The following DIS3L2 variants were observed in gnomAD, a reference collection of about 807,000 sequenced individuals.
DIS3L2 encodes DIS3-like exonuclease 2.
A neutral mutation model predicts 97.5 loss-of-function variants in DIS3L2; 34 were observed. The observed-to-expected ratio is 0.35, with a 90% CI of 0.27 to 0.46. The LOEUF (loss-of-function observed/expected upper bound fraction) is 0.46, where lower values mean the gene tolerates loss of function less well. Ranked by LOEUF, DIS3L2 falls within the 20% of genes least tolerant of loss-of-function variation. The pLI, the probability that DIS3L2 is intolerant of heterozygous loss-of-function variation, is 1.00. For missense variants in DIS3L2, 1,038 were observed against 1,146.0 expected, an observed-to-expected ratio of 0.91 and a Z score of 1.36; for synonymous variants, 435 against 445.2, an observed-to-expected ratio of 0.98 and a Z score of 0.29.
intron 10 of DIS3L2, 63 bp from the exon 11 acceptor site, chr2:232,238,470 C>G: frequency 7.2e-7 from 1 of 1,385,060 alleles, no homozygotes; most frequent in Admixed American, 1.7e-5. Flanking sequence ...TAGGAAAGGA[C>G]TCCTGGGAGA....
chr2:232,264,044 G>T (rs1693791846), intron 13 of DIS3L2, among the ~76,000 whole-genome samples: 1 of 152,212 alleles, frequency 6.6e-6, no homozygotes, highest in Non-Finnish European at 1.5e-5. Context: ...CAGACCAGGG[G>T]TAGGGGATGG....
At chr2:232,219,883 T>C (rs1448945869) in intron 10 of DIS3L2, among the ~76,000 whole-genome samples, 1 of 152,176 alleles carries the variant, frequency 6.6e-6, no homozygotes, top group Non-Finnish European at 1.5e-5. Flanking sequence ...AACCCTAACA[T>C]GGTAGTAAAA....
At chr2:232,318,388 A>C (rs1462831973) in intron 14 of DIS3L2, among the ~76,000 whole-genome samples, 1 of 152,264 alleles carries the variant, frequency 6.6e-6, no homozygotes, top group African/African-American at 2.4e-5. Context: ...CCCAGTTGTA[A>C]ACATCATTCG....
At chr2:232,068,828 A>T (rs1695926250) in intron 5 of DIS3L2, among the ~76,000 whole-genome samples, 1 of 151,450 alleles carries the variant, frequency 6.6e-6, no homozygotes, top group Admixed American at 6.6e-5. Context: ...TTTAATTTTA[A>T]TTTTTTTCTT....
intron 13 of DIS3L2, among the ~76,000 whole-genome samples, chr2:232,298,115 A>G (rs775677950): frequency 2.6e-5 from 4 of 152,170 alleles, no homozygotes; most frequent in Non-Finnish European, 4.4e-5. Flanking sequence ...TGGGTTAGTA[A>G]AAATTCTCCC....
At chr2:232,202,464 T>C (rs1344886566) in intron 9 of DIS3L2, among the ~76,000 whole-genome samples, 3 of 152,114 alleles carry the variant, frequency 2.0e-5, no homozygotes, top group Non-Finnish European at 4.4e-5. Context: ...GTAGAACCAA[T>C]GAGTAAAGGG....
intron 1 of DIS3L2, among the ~76,000 whole-genome samples, chr2:231,975,956 CTT>C (rs1693078358): frequency 1.3e-5 from 2 of 152,038 alleles, no homozygotes; most frequent in African/African-American, 4.8e-5. Flanking sequence ...CTCTTACTCT[CTT>C]TTTCTCTCCT....
intron 13 of DIS3L2, among the ~76,000 whole-genome samples, chr2:232,275,310 T>A (rs1694113101): frequency 6.6e-6 from 1 of 152,260 alleles, no homozygotes; most frequent in Non-Finnish European, 1.5e-5. Context: ...CTATAACTGT[T>A]AAGAAGGCAG....
intron 13 of DIS3L2, among the ~76,000 whole-genome samples, chr2:232,299,142 C>G (rs1575002998): frequency 6.6e-6 from 1 of 152,158 alleles, no homozygotes; most frequent in Non-Finnish European, 1.5e-5. Context: ...TCAAATCCAC[C>G]AGCATATCTT....
At chr2:232,093,613 T>G (rs1360773488) in intron 6 of DIS3L2, among the ~76,000 whole-genome samples, 1 of 152,162 alleles carries the variant, frequency 6.6e-6, no homozygotes, top group Non-Finnish European at 1.5e-5. Context: ...GGTTCAATCT[T>G]GGTAGGTTGT....
At chr2:232,329,277 C>G (rs1310750787) in intron 14 of DIS3L2, 1 of 152,728 alleles carries the variant, frequency 6.5e-6, no homozygotes, top group Non-Finnish European at 1.5e-5. Context: ...GAGAAGGGAG[C>G]CCAGCACTCC....
chr2:232,011,292 G>C (rs1694191994), intron 1 of DIS3L2, among the ~76,000 whole-genome samples: 1 of 152,094 alleles, frequency 6.6e-6, no homozygotes, highest in African/African-American at 2.4e-5. Flanking sequence ...GACTTGTTCA[G>C]GCTTAATGGG....
intron 10 of DIS3L2, among the ~76,000 whole-genome samples, chr2:232,221,456 C>A (rs1157360004): frequency 1.3e-5 from 2 of 152,188 alleles, no homozygotes; most frequent in Non-Finnish European, 2.9e-5. Context: ...AGGATAAAAT[C>A]TGCGCTTTGT....
chr2:232,138,060 T>C (rs1698407428), intron 8 of DIS3L2, among the ~76,000 whole-genome samples: 1 of 152,212 alleles, frequency 6.6e-6, no homozygotes, highest in South Asian at 2.1e-4. Context: ...TATCTGCCTT[T>C]CTGTCGTATC....
rs540752460 is a variant in DIS3L2 at position 231,976,892 on chromosome 2, C to T, written c.-94+15127C>T. Reference sequence around the variant, plus strand: ...ATGCCATTCTCCCGCCTCAGCCTCCCGAGTAGCTGGGACAGCAGGTGCCCG... The same window carrying T: ...ATGCCATTCTCCCGCCTCAGCCTCCTGAGTAGCTGGGACAGCAGGTGCCCG... On this transcript the variant is annotated intron_variant, in intron 1 of 20. Transcript: ENST00000325385. Among the ~76,000 whole-genome samples the T allele has an allele frequency of 7.9e-5, 12 of 151,844 alleles. No homozygotes were observed. In the South Asian group the frequency reaches 1.9e-3, roughly 24 times the overall value.
chr2:232,072,097 A>G (rs571085842), intron 5 of DIS3L2, among the ~76,000 whole-genome samples: 2 of 152,278 alleles, frequency 1.3e-5, no homozygotes, highest in East Asian at 3.9e-4. Flanking sequence ...TTGAAGAAAG[A>G]GAAGAACAGG....
intron 9 of DIS3L2, among the ~76,000 whole-genome samples, chr2:232,199,211 A>G (rs1350691407): frequency 2.0e-5 from 3 of 152,210 alleles, no homozygotes; most frequent in African/African-American, 4.8e-5. Context: ...GAAAAAGGCT[A>G]CAATTATTCA....
intron 9 of DIS3L2, chr2:232,198,729 A>G (rs1394037528): frequency 6.6e-6 from 1 of 152,234 alleles, no homozygotes; most frequent in Non-Finnish European, 1.5e-5. Flanking sequence ...TCTGCCCTGC[A>G]TACAAACTCT....
intron 9 of DIS3L2, among the ~76,000 whole-genome samples, chr2:232,198,224 C>T (rs1691808495): frequency 6.6e-6 from 1 of 151,976 alleles, no homozygotes; most frequent in African/African-American, 2.4e-5. Context: ...CCTTAAGGGC[C>T]ATCTCTAGGA....
Sources: allele counts gnomAD v4.1 joint callset (sites outside exome capture counted in the v4.1 genomes callset), GRCh38; gene constraint gnomAD v4.1.1; transcripts MANE v1.5; gene names NCBI Gene and HGNC (gene_info 2026-07-23, HGNC 2026-07-21).